RFX3: variants seen among roughly 807,000 people sequenced by gnomAD.
The protein encoded by RFX3 is transcription factor RFX3.
In RFX3, 14 loss-of-function variants were observed where a neutral mutation model predicts 98.6. That is an observed-to-expected ratio of 0.14 (90% CI 0.09 to 0.22). The LOEUF is 0.22. RFX3 is among the 10% of genes least tolerant of loss of function. The pLI is 1.00. For missense variants in RFX3, 639 were observed against 926.9 expected (o/e 0.69, Z 4.03); for synonymous variants, 383 against 328.4 (o/e 1.17, Z -1.80).
chr9:3,344,747 T>C, intron 3 of RFX3: 1 of 656,988 alleles, frequency 1.5e-6, no homozygotes. Flanking sequence ...TCTAGCAGTG[T>C]CTACAAAGCC....
intron 2 of RFX3, among the ~76,000 whole-genome samples, chr9:3,379,148 G>T (rs547668852): frequency 6.6e-6 from 1 of 152,126 alleles, no homozygotes; most frequent in South Asian, 2.1e-4. Context: ...AGGGAGACAT[G>T]GTCCCTGGAT....
chr9:3,273,683 G>C (rs960451807), intron 9 of RFX3, among the ~76,000 whole-genome samples: 1 of 152,014 alleles, frequency 6.6e-6, no homozygotes, highest in Non-Finnish European at 1.5e-5. Context: ...GGCCAACACA[G>C]TGAAACCCCA....
chr9:3,221,937 C>T lies in RFX3; in HGVS notation c.*3105G>A, dbSNP rs1202050081. On this transcript the variant is annotated 3_prime_UTR_variant, in exon 17 of 17. Coordinates refer to ENST00000617270, the MANE Select transcript of RFX3 (RefSeq NM_001282116.2). Reference sequence around the variant, plus strand: ...TGATTGGTTATAATTGCAAGAAATACAAAGAAGTCTTAAAATGTGTACTTG... The same window carrying T: ...TGATTGGTTATAATTGCAAGAAATATAAAGAAGTCTTAAAATGTGTACTTG... 6.6e-6 allele frequency: 1 copy of T among 151,962 alleles called. No individual in the cohort carries two copies. Among genetic ancestry groups the T allele is most frequent in the African/African-American group, 2.4e-5 (1 of 41,376 alleles). The allele number at this position is 151,962 out of a possible 1,614,324, so 9.4% of individuals were successfully genotyped here.
At chr9:3,374,201 T>C (rs1838191201) in intron 2 of RFX3, among the ~76,000 whole-genome samples, 1 of 151,976 alleles carries the variant, frequency 6.6e-6, no homozygotes, top group Non-Finnish European at 1.5e-5. Flanking sequence ...TGTGGAGAAA[T>C]TGGAACCCTT....
At chr9:3,240,750 C>G (rs953560830) in intron 15 of RFX3, among the ~76,000 whole-genome samples, 2 of 152,112 alleles carry the variant, frequency 1.3e-5, no homozygotes, top group African/African-American at 4.8e-5. Context: ...ATCAGGGGGG[C>G]CAGCAACCAC....
In RFX3 at chr9:3,366,726, CT is replaced by C. The variant is rs1283679384; in HGVS notation, c.118-19963del. Among the ~76,000 whole-genome samples the C allele has an allele frequency of 4.7e-3, 445 of 94,328 alleles. 4 individuals are homozygous for C. Among genetic ancestry groups the C allele is most frequent in the African/African-American group, 0.018 (428 of 23,950 alleles). 61.9% of individuals were successfully genotyped at this position (94,328 alleles called of 152,430 possible). A position where few individuals can be genotyped will look rare whatever the true frequency, so the allele number is the denominator to read the frequency against. On this transcript the variant is annotated intron_variant, in intron 2 of 16. Transcript: ENST00000617270. ...TCTTTCTTTCTTTCTTTCTTTCTTT[CT>C]TTCTTTCTTTCTTTCTTTCTTTCTT...
intron 2 of RFX3, among the ~76,000 whole-genome samples, chr9:3,360,250 T>C (rs537177545): frequency 9.3e-4 from 141 of 152,002 alleles, no homozygotes; most frequent in African/African-American, 3.3e-3. Flanking sequence ...AATAAACAAA[T>C]ATTTTTCACT....
chr9:3,371,718 C>G (rs1391564757), intron 2 of RFX3, among the ~76,000 whole-genome samples: 1 of 152,022 alleles, frequency 6.6e-6, no homozygotes, highest in African/African-American at 2.4e-5. Flanking sequence ...AATGGCATAA[C>G]AAAGAAAACC....
intron 2 of RFX3, among the ~76,000 whole-genome samples, chr9:3,393,237 T>C (rs929999244): frequency 6.6e-6 from 1 of 152,112 alleles, no homozygotes; most frequent in African/African-American, 2.4e-5. Context: ...TGTAGTTGCC[T>C]ATGAGGAGTG....
intron 1 of RFX3, among the ~76,000 whole-genome samples, chr9:3,482,486 C>G (rs1324851831): frequency 6.6e-6 from 1 of 152,130 alleles, no homozygotes; most frequent in Non-Finnish European, 1.5e-5. Context: ...CATATATAAA[C>G]TTTTATAATT....
intron 2 of RFX3, 27 bp downstream of exon 2, chr9:3,395,445 T>C (rs1374317683): frequency 6.2e-7 from 1 of 1,607,746 alleles, no homozygotes; most frequent in African/African-American, 1.3e-5. Flanking sequence ...AGTAACAGCA[T>C]CTTTTCTAAG....
chr9:3,430,282 T>C (rs891368328), intron 1 of RFX3, among the ~76,000 whole-genome samples: 1 of 152,200 alleles, frequency 6.6e-6, no homozygotes, highest in Non-Finnish European at 1.5e-5. Context: ...GCTGTAACCA[T>C]CAATCTCCTT....
At chr9:3,380,722 C>A (rs1839091689) in intron 2 of RFX3, among the ~76,000 whole-genome samples, 1 of 152,128 alleles carries the variant, frequency 6.6e-6, no homozygotes, top group Non-Finnish European at 1.5e-5. Context: ...TATTACCAAC[C>A]AAAATGAAGA....
At chr9:3,347,655 C>T (rs536302639) in intron 2 of RFX3, among the ~76,000 whole-genome samples, 7 of 152,074 alleles carry the variant, frequency 4.6e-5, no homozygotes, top group East Asian at 2.0e-4. Flanking sequence ...GATGAAACCC[C>T]GTCTCTACTA....
intron 1 of RFX3, among the ~76,000 whole-genome samples, chr9:3,405,680 T>C (rs949190477): frequency 6.6e-6 from 1 of 152,132 alleles, no homozygotes; most frequent in Non-Finnish European, 1.5e-5. Flanking sequence ...TTTTCTCTCA[T>C]CTTCCAAATT....
intron 4 of RFX3, among the ~76,000 whole-genome samples, chr9:3,321,005 C>T (rs893312962): frequency 8.6e-5 from 13 of 151,390 alleles, no homozygotes; most frequent in Non-Finnish European, 1.8e-4. Flanking sequence ...AGGTTCAAAG[C>T]GATTCTCCTG....
intron 1 of RFX3, among the ~76,000 whole-genome samples, chr9:3,406,874 A>G (rs1414967425): frequency 6.6e-6 from 1 of 152,234 alleles, no homozygotes; most frequent in Non-Finnish European, 1.5e-5. Context: ...TTTTGTGTAT[A>G]GTTTTTTAAA....
chr9:3,472,914 A>G (rs1848902984), intron 1 of RFX3, among the ~76,000 whole-genome samples: 1 of 152,230 alleles, frequency 6.6e-6, no homozygotes, highest in Non-Finnish European at 1.5e-5. Context: ...CAACTACTGC[A>G]GTAACGAGAT....
chr9:3,304,859 T>C (rs1048321584), intron 4 of RFX3, among the ~76,000 whole-genome samples: 1 of 152,026 alleles, frequency 6.6e-6, no homozygotes, highest in Admixed American at 6.6e-5. Context: ...ACAAGACTAC[T>C]TGTAACAAAA....
Sources: allele counts gnomAD v4.1 joint callset (sites outside exome capture counted in the v4.1 genomes callset), GRCh38; gene constraint gnomAD v4.1.1; transcripts MANE v1.5; gene names NCBI Gene and HGNC (gene_info 2026-07-23, HGNC 2026-07-21).